BRD8: variants seen among roughly 807,000 people sequenced by gnomAD.
BRD8 encodes the protein bromodomain containing 8, also known as bromodomain-containing protein 8.
A neutral mutation model predicts 143.1 loss-of-function variants in BRD8; 67 were observed. The ratio of observed to expected loss-of-function variants is 0.47; its 90% CI spans 0.38 to 0.57. The LOEUF (loss-of-function observed/expected upper bound fraction) is 0.57. Among genes scored for constraint, BRD8 ranks in the 20% least tolerant of loss-of-function variants. BRD8 has a pLI of 0.00. For synonymous variants in BRD8, 505 were observed against 517.1 expected (o/e 0.98, Z 0.32); for missense variants, 1,103 against 1,503.0 (o/e 0.73, Z 4.40).
In BRD8 at chr5:138,140,100, C is replaced by T. The variant is rs755620694; in HGVS notation, c.3682G>A (p.Val1228Met). 1.9e-6 allele frequency: 3 copies of T among 1,613,896 alleles called. No individual in the cohort carries two copies. The East Asian group carries it at 6.7e-5, about 36-fold the overall frequency. ...TAGAAAACAGGTTTTCCATCATCCA[C>T]TGGGTTAGCTGGTTCTCCTTCCAGA... ...SSLEGEPANP[V>M]DDGKPVF The change falls in exon 27 of 27, where the codon GTG (valine) becomes ATG (methionine). Residue 1228 changes from valine to methionine, a missense_variant. This residue lies in a region of BRD8 where 369 missense variants were observed against 445.5 expected (regional missense o/e 0.83). Coordinates refer to ENST00000254900, the MANE Select transcript of BRD8 (RefSeq NM_139199.2).
At chr5:138,177,417 T>C (rs1010494818) in intron 2 of BRD8, 154 bp downstream of exon 2, 20 of 521,522 alleles carry the variant, frequency 3.8e-5, no homozygotes, top group African/African-American at 3.5e-4. Context: ...CACTCCAGCC[T>C]GGGCAACAGA....
chr5:138,161,255 GA>G, intron 17 of BRD8, 187 bp from the exon 18 acceptor site: 1 of 497,856 alleles, frequency 2.0e-6, no homozygotes, highest in Non-Finnish European at 3.5e-6. Flanking sequence ...TAAGCATTGA[GA>G]AAGGTAATAA....
At chr5:138,157,555 C>T (rs1304418952) in intron 20 of BRD8, 1 of 420,230 alleles carries the variant, frequency 2.4e-6, no homozygotes, top group Non-Finnish European at 4.3e-6. Flanking sequence ...CACCCAGGCC[C>T]AAATCATGTG....
At chr5:138,155,004 T>G (rs1752524430) in intron 20 of BRD8, among the ~76,000 whole-genome samples, 1 of 151,946 alleles carries the variant, frequency 6.6e-6, no homozygotes, top group South Asian at 2.1e-4. Flanking sequence ...CAATTTTTTG[T>G]ATTTTTAGTA....
chr5:138,143,999 G>T (rs1752029147), intron 25 of BRD8, among the ~76,000 whole-genome samples: 1 of 152,188 alleles, frequency 6.6e-6, no homozygotes, highest in Non-Finnish European at 1.5e-5. Flanking sequence ...AAATCTTGCT[G>T]CTCCTCACTC....
chr5:138,165,681 G>T, intron 11 of BRD8, 147 bp downstream of exon 11: 1 of 881,726 alleles, frequency 1.1e-6, no homozygotes, highest in Non-Finnish European at 1.7e-6. Flanking sequence ...AGCCAAGATC[G>T]TGCCACTGCA....
chr5:138,158,218 C>A (rs2151192772), intron 20 of BRD8, among the ~76,000 whole-genome samples: 1 of 152,234 alleles, frequency 6.6e-6, no homozygotes, highest in South Asian at 2.1e-4. Context: ...TATCACACAC[C>A]AAGGAAAACA....
intron 2 of BRD8, 92 bp from the exon 3 acceptor site, chr5:138,172,226 A>T (rs953932089): frequency 1.8e-6 from 2 of 1,086,312 alleles, no homozygotes; most frequent in African/African-American, 3.2e-5. Flanking sequence ...AAACTTTGGA[A>T]TAAAAAAGAT....
intron 20 of BRD8, chr5:138,156,751 T>G: frequency 2.4e-6 from 2 of 828,196 alleles, no homozygotes; most frequent in Non-Finnish European, 2.9e-6. Context: ...CAGCAAGCAG[T>G]TCATAAGACT....
chr5:138,168,503 C>T, intron 8 of BRD8: 2 of 1,604,620 alleles, frequency 1.2e-6, no homozygotes, highest in Non-Finnish European at 1.7e-6. Flanking sequence ...GGCTGCCCTT[C>T]TTCAAGAGCT....
At chr5:138,148,991 A>C (rs779615597) in intron 23 of BRD8, among the ~76,000 whole-genome samples, 7 of 151,870 alleles carry the variant, frequency 4.6e-5, no homozygotes, top group Non-Finnish European at 7.4e-5. Flanking sequence ...CCTTGAGTTC[A>C]GGAAGTCAAG....
At chr5:138,144,126 C>T (rs923743697) in intron 25 of BRD8, among the ~76,000 whole-genome samples, 1 of 128,136 alleles carries the variant, frequency 7.8e-6, no homozygotes, top group African/African-American at 2.8e-5. Context: ...CCGGATGTAC[C>T]ACCTTTAAGA....
Position 138,165,910 on chromosome 5 carries a change from T to C in BRD8, c.1196A>G (p.Lys399Arg). ...DGKEELDLAE[K>R]MDIAVSYTGE... ...TGTGTAAGACACAGCAATATCCATC[T>C]TCTCAGCCAGATCTAATTCTTCCTT... is the stretch of plus-strand genomic sequence containing the variant. The change falls in exon 11 of 27, where the codon AAG (lysine) becomes AGG (arginine). Residue 399 changes from lysine to arginine, a missense_variant. By Grantham distance (26) the Lys-to-Arg change is conservative. Around this residue, in one of 7 missense-constraint regions of BRD8, gnomAD observed 53 missense variants for 101.4 expected, o/e 0.52. Transcript: ENST00000254900. 6.2e-7 allele frequency: 1 copy of C among 1,614,214 alleles called. No homozygotes were observed. Among genetic ancestry groups the C allele is most frequent in the Non-Finnish European group, 8.5e-7 (1 of 1,180,044 alleles).
intron 19 of BRD8, 59 bp from the exon 20 acceptor site, chr5:138,159,658 C>T: frequency 6.5e-7 from 1 of 1,545,520 alleles, no homozygotes. Context: ...CCACAAGCAC[C>T]CCAAACCTCA....
At chr5:138,141,890 G>A (rs185690844) in intron 25 of BRD8, among the ~76,000 whole-genome samples, 13 of 152,258 alleles carry the variant, frequency 8.5e-5, no homozygotes, top group East Asian at 7.7e-4. Flanking sequence ...GGTTGATCAC[G>A]AGCAAGTCAT....
At chr5:138,142,192 G>A (rs781241673) in intron 25 of BRD8, among the ~76,000 whole-genome samples, 2 of 152,054 alleles carry the variant, frequency 1.3e-5, no homozygotes, top group Non-Finnish European at 2.9e-5. Flanking sequence ...TACAGCATTC[G>A]TCCCCTCTGC....
chr5:138,167,566 C>T (rs1389281649), intron 9 of BRD8: 1 of 214,290 alleles, frequency 4.7e-6, no homozygotes. Context: ...AGTTACCTAT[C>T]CAAGGTCACA....
intron 9 of BRD8, among the ~76,000 whole-genome samples, chr5:138,167,181 C>T (rs1753506984): frequency 6.8e-6 from 1 of 147,602 alleles, no homozygotes; most frequent in South Asian, 2.2e-4. Flanking sequence ...GGCAGGAGAA[C>T]TGCTTGAACG....
intron 21 of BRD8, among the ~76,000 whole-genome samples, chr5:138,151,748 C>G (rs1752377336): frequency 6.6e-6 from 1 of 152,264 alleles, no homozygotes; most frequent in African/African-American, 2.4e-5. Context: ...ACTGCAACTT[C>G]CGCCTCCCGG....
Sources: gnomAD v4.1 joint callset for allele counts (sites outside exome capture counted in the v4.1 genomes callset) on GRCh38, gnomAD v4.1.1 for gene constraint, gnomAD v4.1.1 regional missense constraint, MANE v1.5 for transcripts, NCBI Gene and HGNC (gene_info 2026-07-23, HGNC 2026-07-21) for gene names.